The following DNAJC1 variants were observed in gnomAD, a reference collection of about 807,000 sequenced individuals.
The protein encoded by DNAJC1 is DnaJ heat shock protein family (Hsp40) member C1, also known as dnaJ homolog subfamily C member 1.
Under a neutral mutation model 76.6 loss-of-function variants are expected in DNAJC1, and 58 were observed. That is an observed-to-expected ratio of 0.76 (90% CI 0.61 to 0.94). The LOEUF is 0.94. Among genes scored for constraint, DNAJC1 ranks in the 40% least tolerant of loss-of-function variants. The pLI is 0.00. For missense variants in DNAJC1, 689 were observed against 677.3 expected, an observed-to-expected ratio of 1.02 and a Z score of -0.19; for synonymous variants, 258 against 267.9, an observed-to-expected ratio of 0.96 and a Z score of 0.36.
chr10:21,765,801 G>A (rs889161131), intron 10 of DNAJC1, among the ~76,000 whole-genome samples: 2 of 152,000 alleles, frequency 1.3e-5, no homozygotes, highest in Non-Finnish European at 2.9e-5. Flanking sequence ...CCGAGATTGC[G>A]CCACTGCACG....
intron 1 of DNAJC1, among the ~76,000 whole-genome samples, chr10:21,998,529 T>A (rs1251097831): frequency 6.6e-6 from 1 of 152,098 alleles, no homozygotes; most frequent in African/African-American, 2.4e-5. Context: ...GAAAGATCTT[T>A]CAATAGCACA....
intron 6 of DNAJC1, among the ~76,000 whole-genome samples, chr10:21,905,745 A>C (rs1836733844): frequency 6.6e-6 from 1 of 152,176 alleles, no homozygotes; most frequent in African/African-American, 2.4e-5. Context: ...TACCGAATTG[A>C]ACTAGACTGA....
chr10:21,830,363 A>C (rs1046265385), intron 8 of DNAJC1, among the ~76,000 whole-genome samples: 1 of 152,200 alleles, frequency 6.6e-6, no homozygotes, highest in Non-Finnish European at 1.5e-5. Flanking sequence ...ATACTTTAAC[A>C]ATACATAAAA....
chr10:21,839,367 G>T (rs1490450577), intron 8 of DNAJC1, among the ~76,000 whole-genome samples: 5 of 152,076 alleles, frequency 3.3e-5, no homozygotes, highest in Non-Finnish European at 5.9e-5. Flanking sequence ...GACTAATTAA[G>T]AAGAAAAGAC....
chr10:21,803,806 T>C (rs967840526), intron 9 of DNAJC1: 4 of 948,548 alleles, frequency 4.2e-6, no homozygotes, highest in Middle Eastern at 1.1e-3. Context: ...TTTAGATTTA[T>C]TACATATTTA....
intron 7 of DNAJC1, among the ~76,000 whole-genome samples, chr10:21,891,126 G>T (rs1460825464): frequency 6.6e-6 from 1 of 152,064 alleles, no homozygotes; most frequent in African/African-American, 2.4e-5. Context: ...GGAGGCGGAG[G>T]TTGCAGTGAG....
chr10:21,892,394 T>C (rs938075540), intron 7 of DNAJC1, among the ~76,000 whole-genome samples: 2 of 151,672 alleles, frequency 1.3e-5, no homozygotes, highest in Admixed American at 6.6e-5. Context: ...GTCTTTCATC[T>C]TTTTTACATA....
At chr10:21,842,685 G>A (rs1287355547) in intron 8 of DNAJC1, among the ~76,000 whole-genome samples, 3 of 152,206 alleles carry the variant, frequency 2.0e-5, no homozygotes, top group Admixed American at 6.5e-5. Context: ...GAACTGGCAG[G>A]AGTAAATATG....
At chr10:21,924,559 CA>C (rs1837090141) in intron 3 of DNAJC1, among the ~76,000 whole-genome samples, 1 of 152,116 alleles carries the variant, frequency 6.6e-6, no homozygotes, top group East Asian at 1.9e-4. Flanking sequence ...CCTCAACTAA[CA>C]TTCAGGGCAC....
chr10:21,816,762 G>A (rs1301889771), intron 8 of DNAJC1, among the ~76,000 whole-genome samples: 2 of 146,598 alleles, frequency 1.4e-5, no homozygotes, highest in Non-Finnish European at 3.0e-5. Context: ...AACAAGGATG[G>A]TCTCGATCTC....
chr10:21,957,908 A>G (rs189086885), intron 1 of DNAJC1, among the ~76,000 whole-genome samples: 489 of 152,294 alleles, frequency 3.2e-3, no homozygotes, highest in Non-Finnish European at 4.8e-3. Context: ...AACTTAATGT[A>G]CTATTATTAA....
chr10:21,874,570 G>T (rs573788786), intron 8 of DNAJC1, among the ~76,000 whole-genome samples: 6 of 152,262 alleles, frequency 3.9e-5, no homozygotes, highest in African/African-American at 1.4e-4. Context: ...ATTATATAAA[G>T]TGTCCAGAAT....
At chr10:21,868,954 T>C (rs1564812608) in intron 8 of DNAJC1, among the ~76,000 whole-genome samples, 1 of 151,940 alleles carries the variant, frequency 6.6e-6, no homozygotes, top group Non-Finnish European at 1.5e-5. Context: ...TTCCAACCTT[T>C]GGTATATTAT....
In DNAJC1 at chr10:21,829,406, TG is replaced by T. The variant is rs555224113; in HGVS notation, c.979-23308del. ...TTTCTTTTTGTATTTTTAGTAGAGA[TG>T]GGGTTTCACTGTGTTAGCCAGAATG... On this transcript the variant is annotated intron_variant, in intron 8 of 11. Transcript: ENST00000376980. Among the ~76,000 whole-genome samples, 72 of 152,280 alleles carry T rather than the reference TG, an allele frequency of 4.7e-4. No homozygotes were observed. The South Asian group carries it at 0.014, about 30-fold the overall frequency.
At chr10:21,939,982 C>T (rs1335257545) in intron 1 of DNAJC1, among the ~76,000 whole-genome samples, 2 of 122,720 alleles carry the variant, frequency 1.6e-5, no homozygotes. Context: ...AAAGCCAAAA[C>T]AAACGTGTGT....
intron 10 of DNAJC1, 37 bp from the exon 11 acceptor site, chr10:21,759,655 A>G: frequency 1.9e-6 from 3 of 1,580,646 alleles, no homozygotes; most frequent in Non-Finnish European, 2.6e-6. Flanking sequence ...GGTGAAGGGC[A>G]AGGTGAATTA....
intron 9 of DNAJC1, among the ~76,000 whole-genome samples, chr10:21,791,689 C>A (rs1354251406): frequency 6.6e-6 from 1 of 151,944 alleles, no homozygotes; most frequent in African/African-American, 2.4e-5. Context: ...ATTCTTGAAA[C>A]AAACGAAATT....
At chr10:21,846,913 T>TCTGG (rs1408639713) in intron 8 of DNAJC1, among the ~76,000 whole-genome samples, 3 of 151,746 alleles carry the variant, frequency 2.0e-5, no homozygotes, top group Non-Finnish European at 4.4e-5. Flanking sequence ...CGTTTTCAGT[T>TCTGG]CTGGCTTAGA....
chr10:21,922,367 G>A (rs189702129), intron 3 of DNAJC1, among the ~76,000 whole-genome samples: 11 of 151,984 alleles, frequency 7.2e-5, no homozygotes, highest in Admixed American at 2.6e-4. Flanking sequence ...CTGACCTTCT[G>A]ATCAACTTAG....
Sources: gnomAD v4.1 joint callset for allele counts (sites outside exome capture counted in the v4.1 genomes callset) on GRCh38, gnomAD v4.1.1 for gene constraint, MANE v1.5 for transcripts, NCBI Gene and HGNC (gene_info 2026-07-23, HGNC 2026-07-21) for gene names.